The following DHRSX variants were observed in gnomAD, a reference collection of about 807,000 sequenced individuals.
DHRSX encodes dehydrogenase/reductase X-linked.
Under a neutral mutation model 34.0 loss-of-function variants are expected in DHRSX, and 31 were observed. The observed-to-expected ratio is 0.91, with a 90% confidence interval of 0.69 to 1.23. The LOEUF (loss-of-function observed/expected upper bound fraction) is 1.23, where lower values mean the gene tolerates loss of function less well. Among genes scored for constraint, DHRSX ranks in the 50% most tolerant of loss-of-function variants. The pLI, the probability that DHRSX is intolerant of heterozygous loss-of-function variation, is 0.00. For synonymous variants in DHRSX, 201 were observed against 183.8 expected (o/e 1.09, Z -0.76); for missense variants, 414 against 428.1 (o/e 0.97, Z 0.29).
intron 2 of DHRSX, among the ~76,000 whole-genome samples, chrX:2,419,872 G>A (rs1009453408): frequency 2.0e-5 from 3 of 151,560 alleles, no homozygotes; most frequent in Non-Finnish European, 4.4e-5. Flanking sequence ...AATGCTAAAT[G>A]ACGAGTTAAT....
Position 2,495,684 on chromosome X carries a change from C to T in DHRSX, c.109+5133G>A, listed in dbSNP as rs138652684. Among the ~76,000 whole-genome samples the T allele has an allele frequency of 8.4e-3, 1,281 of 152,208 alleles. 21 individuals are homozygous for T. Among genetic ancestry groups the T allele is most frequent in the African/African-American group, 0.029 (1,188 of 41,522 alleles). On this transcript the variant is annotated intron_variant, in intron 1 of 6. Transcript: ENST00000334651. ...CCTTCCTCCTCCCTTGCAGCGCTTC[C>T]GAGCACACAAGGCCACGAATAAAGG...
At chrX:2,331,687 T>A (rs2042480470) in intron 3 of DHRSX, among the ~76,000 whole-genome samples, 1 of 151,964 alleles carries the variant, frequency 6.6e-6, no homozygotes, top group African/African-American at 2.4e-5. Flanking sequence ...TGACCTCAGG[T>A]GATCCACCTG....
intron 3 of DHRSX, among the ~76,000 whole-genome samples, chrX:2,314,948 G>A (rs1346844300): frequency 2.6e-5 from 4 of 152,044 alleles, no homozygotes; most frequent in Non-Finnish European, 4.4e-5. Flanking sequence ...ACCTGAGGTC[G>A]GGAGTTAAGA....
At chrX:2,450,730 T>TAA (rs984601296) in intron 1 of DHRSX, among the ~76,000 whole-genome samples, 5 of 138,200 alleles carry the variant, frequency 3.6e-5, no homozygotes, top group African/African-American at 1.1e-4. Context: ...TTTATCAAAT[T>TAA]AAAAAAAAAA....
intron 3 of DHRSX, among the ~76,000 whole-genome samples, chrX:2,319,542 C>A (rs866997827): frequency 6.6e-3 from 707 of 107,098 alleles, no homozygotes; most frequent in South Asian, 0.012. Context: ...GACTCCATCT[C>A]AAAAAAAAAA....
At chrX:2,260,432 GTCTC>G (rs1241917857) in intron 5 of DHRSX, among the ~76,000 whole-genome samples, 2 of 151,044 alleles carry the variant, frequency 1.3e-5, no homozygotes, top group Non-Finnish European at 2.9e-5. Flanking sequence ...CCTTCTCTGT[GTCTC>G]TCTGTCTCCA....
At chrX:2,304,100 GATGGATAGATGGATGGATGGATAA>G (rs1232974114) in intron 3 of DHRSX, among the ~76,000 whole-genome samples, 4 of 133,470 alleles carry the variant, frequency 3.0e-5, no homozygotes, top group African/African-American at 5.1e-5. Flanking sequence ...TGGATTGATG[GATGGATAGATGGATGGATGGATAA>G]ATGGATGGAT....
intron 6 of DHRSX, among the ~76,000 whole-genome samples, chrX:2,230,986 C>A (rs73626167): frequency 0.053 from 8,047 of 152,162 alleles, 549 homozygotes; most frequent in African/African-American, 0.15. Flanking sequence ...GGAAGAAATG[C>A]CGGGCTCCAG....
rs1239938523 is a variant in DHRSX at position 2,474,340 on chromosome X, T to C, written c.109+26477A>G. On this transcript the variant is annotated intron_variant, in intron 1 of 6. Coordinates refer to ENST00000334651, the MANE Select transcript of DHRSX (RefSeq NM_145177.3). ...TAAGGGACTGCCACCATGTACACAC[T>C]GAAGATGTTCCCTAAGAATGGGGCC... Among the ~76,000 whole-genome samples, 3 of 152,078 alleles carry C rather than the reference T, an allele frequency of 2.0e-5. No homozygotes were observed. In the East Asian group the frequency reaches 5.8e-4, roughly 29 times the overall value.
intron 1 of DHRSX, among the ~76,000 whole-genome samples, chrX:2,497,750 A>T (rs2045318197): frequency 6.6e-6 from 1 of 152,220 alleles, no homozygotes; most frequent in Admixed American, 6.5e-5. Context: ...TGCAAAACTC[A>T]TTGATGTATC....
intron 1 of DHRSX, among the ~76,000 whole-genome samples, chrX:2,458,826 C>T (rs1361004027): frequency 6.6e-6 from 1 of 151,808 alleles, no homozygotes; most frequent in African/African-American, 2.4e-5. Flanking sequence ...AATGAAACCC[C>T]ATCTCTAAAA....
intron 1 of DHRSX, among the ~76,000 whole-genome samples, chrX:2,460,432 G>T (rs2044386968): frequency 6.6e-6 from 1 of 152,144 alleles, no homozygotes; most frequent in Non-Finnish European, 1.5e-5. Flanking sequence ...AATTTATTTT[G>T]GTTGAGACAG....
At chrX:2,464,247 G>C (rs766623975) in intron 1 of DHRSX, among the ~76,000 whole-genome samples, 1 of 151,376 alleles carries the variant, frequency 6.6e-6, no homozygotes, top group Non-Finnish European at 1.5e-5. Flanking sequence ...CGTGGCCCAA[G>C]GGACCATTGC....
At chrX:2,464,373 C>T (rs73177300) in intron 1 of DHRSX, among the ~76,000 whole-genome samples, 2 of 67,232 alleles carry the variant, frequency 3.0e-5, no homozygotes, top group Non-Finnish European at 6.3e-5. Flanking sequence ...ACACTGAAGA[C>T]GTTCCCTAAG....
intron 3 of DHRSX, among the ~76,000 whole-genome samples, chrX:2,358,794 G>A (rs2042889859): frequency 6.6e-6 from 1 of 151,902 alleles, no homozygotes; most frequent in African/African-American, 2.4e-5. Flanking sequence ...TGCATACCTT[G>A]ATTTCTGAAA....
At chrX:2,338,324 C>A (rs2042596173) in intron 3 of DHRSX, among the ~76,000 whole-genome samples, 1 of 151,474 alleles carries the variant, frequency 6.6e-6, no homozygotes, top group African/African-American at 2.4e-5. Flanking sequence ...CAGAGCGAGA[C>A]TCTGTTTCAA....
At chrX:2,455,231 T>C (rs1212785607) in intron 1 of DHRSX, among the ~76,000 whole-genome samples, 2 of 151,588 alleles carry the variant, frequency 1.3e-5, no homozygotes, top group Middle Eastern at 3.2e-3. Context: ...CACTGATAAG[T>C]GGTAGGTAAG....
At position 2,375,532 on chromosome X, in the gene DHRSX, T is replaced by A. The variant is rs1183647573; in HGVS notation, c.286+33213A>T. Among the ~76,000 whole-genome samples, 6 of 137,278 alleles carry A rather than the reference T, an allele frequency of 4.4e-5. 2 individuals are homozygous for A. Among genetic ancestry groups the A allele is most frequent in the Non-Finnish European group, 1.0e-4 (6 of 58,204 alleles). 90.1% of individuals were successfully genotyped at this position (137,278 alleles called of 152,430 possible). A position where few individuals can be genotyped will look rare whatever the true frequency, so the allele number is the denominator to read the frequency against. On this transcript the variant is annotated intron_variant, in intron 3 of 6. Transcript: ENST00000334651. Reference sequence around the variant, plus strand: ...AGAATCCTCAGCTACAGGGTTGTTTTGGTTTCCTTGTGTGTTTGTTTCTTG... The same window carrying A: ...AGAATCCTCAGCTACAGGGTTGTTTAGGTTTCCTTGTGTGTTTGTTTCTTG...
chrX:2,442,625 C>T (rs1273442035), intron 1 of DHRSX, among the ~76,000 whole-genome samples: 1 of 151,878 alleles, frequency 6.6e-6, no homozygotes, highest in Non-Finnish European at 1.5e-5. Flanking sequence ...CTTCCCAGTG[C>T]CACAGGTCCC....
Sources: gnomAD v4.1 joint callset for allele counts (sites outside exome capture counted in the v4.1 genomes callset) on GRCh38, gnomAD v4.1.1 for gene constraint, MANE v1.5 for transcripts, NCBI Gene and HGNC (gene_info 2026-07-23, HGNC 2026-07-21) for gene names.